The following SAMMSON variants were observed in gnomAD, a reference collection of about 807,000 sequenced individuals.
The protein encoded by SAMMSON is long intergenic non-protein coding RNA 1212.
chr3:70,110,242 AT>A (rs2106660334), intron 4 of SAMMSON, among the ~76,000 whole-genome samples: 1 of 152,088 alleles, frequency 6.6e-6, no homozygotes, highest in African/African-American at 2.4e-5. Flanking sequence ...TTCGTATTTG[AT>A]TTTTCAGCAC....
intron 2 of SAMMSON, among the ~76,000 whole-genome samples, chr3:70,419,225 G>A (rs554321084): frequency 1.3e-5 from 2 of 151,782 alleles, no homozygotes; most frequent in South Asian, 4.2e-4. Flanking sequence ...AAGAGATAGG[G>A]TTTTGCCATG....
intron 4 of SAMMSON, among the ~76,000 whole-genome samples, chr3:70,228,528 CTTTG>C (rs1044247537): frequency 2.0e-5 from 3 of 150,862 alleles, no homozygotes; most frequent in African/African-American, 7.3e-5. Context: ...TTTCTAAGTT[CTTTG>C]TTTGTTTGTT....
chr3:70,304,030 A>C (rs1321315443), intron 7 of SAMMSON, among the ~76,000 whole-genome samples: 1 of 152,166 alleles, frequency 6.6e-6, no homozygotes, highest in Admixed American at 6.6e-5. Context: ...GTTTACTACA[A>C]TATAAACTAT....
chr3:70,266,338 G>C (rs888565342), intron 6 of SAMMSON, among the ~76,000 whole-genome samples: 1 of 151,790 alleles, frequency 6.6e-6, no homozygotes, highest in Non-Finnish European at 1.5e-5. Flanking sequence ...AACTGTAATC[G>C]TTATTAAATA....
At chr3:70,263,217 T>C (rs973607610) in intron 6 of SAMMSON, among the ~76,000 whole-genome samples, 1 of 152,218 alleles carries the variant, frequency 6.6e-6, no homozygotes, top group Non-Finnish European at 1.5e-5. Context: ...ATTTTCCTGC[T>C]TCTTCTTTCT....
intron 2 of SAMMSON, among the ~76,000 whole-genome samples, chr3:70,430,117 T>C (rs1701402096): frequency 6.6e-6 from 1 of 152,148 alleles, no homozygotes; most frequent in Non-Finnish European, 1.5e-5. Context: ...CATAAATATC[T>C]CTTGTTATTT....
intron 4 of SAMMSON, among the ~76,000 whole-genome samples, chr3:70,207,780 A>C (rs962321554): frequency 2.0e-5 from 3 of 152,098 alleles, no homozygotes; most frequent in Admixed American, 6.6e-5. Context: ...CATAGGTTAT[A>C]TGCAAATACC....
At chr3:70,258,427 C>CAGAG in intron 6 of SAMMSON, among the ~76,000 whole-genome samples, 1 of 150,986 alleles carries the variant, frequency 6.6e-6, no homozygotes, top group Middle Eastern at 3.4e-3. Flanking sequence ...TATGTATTTA[C>CAGAG]AGAGAGAGAG....
At position 70,096,826 on chromosome 3, in the gene SAMMSON, G is replaced by C. The variant is rs114790071; in HGVS notation, n.507+25261G>C. Among the ~76,000 whole-genome samples, 1,454 of 152,234 alleles carry C rather than the reference G, an allele frequency of 9.6e-3. 19 individuals carry two copies. Among genetic ancestry groups the C allele is most frequent in the African/African-American group, 0.031 (1,297 of 41,542 alleles). On this transcript the variant is annotated intron_variant and non_coding_transcript_variant, in intron 4 of 9. Transcript: ENST00000642114. The stretch of plus-strand genomic sequence containing the variant: ...CAGAATGTATGTCTAGAATAGCGTT[G>C]ATCAAACCCTGTTCTGTGTAACCCT...
chr3:70,263,970 A>C (rs931821846), intron 6 of SAMMSON, among the ~76,000 whole-genome samples: 11 of 152,216 alleles, frequency 7.2e-5, no homozygotes, highest in African/African-American at 2.7e-4. Flanking sequence ...CAACAGCAGA[A>C]GGATGATTCA....
chr3:70,299,930 C>G (rs1702331067), intron 7 of SAMMSON, among the ~76,000 whole-genome samples: 1 of 152,076 alleles, frequency 6.6e-6, no homozygotes, highest in African/African-American at 2.4e-5. Context: ...CCCACACACG[C>G]CCTTTCTCCA....
At chr3:70,146,573 A>T (rs1447617493) in intron 4 of SAMMSON, among the ~76,000 whole-genome samples, 1 of 152,054 alleles carries the variant, frequency 6.6e-6, no homozygotes. Context: ...ACATGAATAT[A>T]TCAATTGATG....
In SAMMSON at chr3:70,023,818, G is replaced by A. The variant is rs116133968; in HGVS notation, n.417+10146G>A. 2.3e-3 allele frequency among the ~76,000 whole-genome samples: 357 copies of A among 152,246 alleles called. 1 individual carries two copies. The highest frequency in any genetic ancestry group is 8.0e-3 in the African/African-American group (332 of 41,558). On this transcript the variant is annotated intron_variant and non_coding_transcript_variant, in intron 3 of 9. Transcript: ENST00000642114. ...CAATAAAACTTTATTTACAAAAATAGGCCTGGGCCAAATTTGGACTGCAAG... is the reference window on the plus strand; with the variant it reads ...CAATAAAACTTTATTTACAAAAATAAGCCTGGGCCAAATTTGGACTGCAAG...
intron 4 of SAMMSON, among the ~76,000 whole-genome samples, chr3:70,143,733 T>A (rs7433048): frequency 2.3e-4 from 35 of 152,234 alleles, no homozygotes; most frequent in Middle Eastern, 3.4e-3. Flanking sequence ...AAGAGTGAGC[T>A]CCCTGCAGTT....
chr3:70,396,351 A>G (rs1344126108), intron 2 of SAMMSON, among the ~76,000 whole-genome samples: 1 of 152,198 alleles, frequency 6.6e-6, no homozygotes, highest in Non-Finnish European at 1.5e-5. Context: ...GTGACTAGTA[A>G]TCAATTGTAA....
At chr3:70,342,765 G>A (rs758616139) in intron 7 of SAMMSON, among the ~76,000 whole-genome samples, 17 of 152,138 alleles carry the variant, frequency 1.1e-4, no homozygotes, top group Non-Finnish European at 1.8e-4. Flanking sequence ...TGGTGATGCC[G>A]GCATTTCCAA....
At chr3:70,044,340 T>C (rs1268631777) in intron 3 of SAMMSON, among the ~76,000 whole-genome samples, 2 of 152,024 alleles carry the variant, frequency 1.3e-5, no homozygotes, top group African/African-American at 2.4e-5. Flanking sequence ...ATGCAGATTT[T>C]TTTTTCAGGT....
At chr3:70,102,493 T>C (rs2067349988) in intron 4 of SAMMSON, among the ~76,000 whole-genome samples, 1 of 152,228 alleles carries the variant, frequency 6.6e-6, no homozygotes, top group Non-Finnish European at 1.5e-5. Flanking sequence ...CGTAGTTGAA[T>C]GGAAAGACCA....
intron 4 of SAMMSON, among the ~76,000 whole-genome samples, chr3:70,159,871 A>G (rs1328873882): frequency 6.6e-6 from 1 of 152,018 alleles, no homozygotes; most frequent in Non-Finnish European, 1.5e-5. Context: ...TTTTTAAATT[A>G]TAGCCATTCT....
Sources: allele counts gnomAD v4.1 joint callset (sites outside exome capture counted in the v4.1 genomes callset), GRCh38; gene constraint gnomAD v4.1.1; transcripts MANE v1.5; gene names NCBI Gene and HGNC (gene_info 2026-07-23, HGNC 2026-07-21).